Variants in SSMEM1 observed in about 807,000 individuals in gnomAD.
SSMEM1 encodes the protein serine rich single-pass membrane protein 1.
A neutral mutation model predicts 9.9 loss-of-function variants in SSMEM1; 12 were observed. The ratio of observed to expected loss-of-function variants is 1.21; its 90% CI spans 0.78 to 1.96. SSMEM1 has a LOEUF of 1.96. Ranked by LOEUF, SSMEM1 falls within the 30% of genes most tolerant of loss-of-function variation. The pLI, the probability that SSMEM1 is intolerant of heterozygous loss-of-function variation, is 0.00. For synonymous variants in SSMEM1, 96 were observed against 98.9 expected, an observed-to-expected ratio of 0.97 and a Z score of 0.17; for missense variants, 259 against 292.2, an observed-to-expected ratio of 0.89 and a Z score of 0.83.
At position 130,216,448 on chromosome 7, in the gene SSMEM1, A is replaced by T. The variant is rs199661470; in HGVS notation, c.713A>T (p.Asn238Ile). Residue 238 changes from asparagine to isoleucine, a missense_variant, in exon 3 of 3, where the codon AAC becomes ATC. Physicochemically the swap from Asn to Ile is moderately radical, Grantham distance 149. Transcript: ENST00000297819. ...GAGGAAAGTTCCATATCTGACATTA[A>T]CAAGAAATTTAGTAAATTTTGAATT... is the stretch of plus-strand genomic sequence containing the variant. ...SQEESSISDI[N>I]KKFSKF The T allele has an allele frequency of 3.1e-6, 5 of 1,609,152 alleles. No homozygotes were observed. In the East Asian group the frequency reaches 1.1e-4, roughly 36 times the overall value.
At chr7:130,205,519 A>G, upstream of SSMEM1, 2 of 1,328,822 alleles carry the variant, frequency 1.5e-6, no homozygotes, top group Non-Finnish European at 2.1e-6. Flanking sequence ...GAGGGGTCGC[A>G]GGCCCAGGCG....
Position 130,216,197 on chromosome 7 carries a change from G to C in SSMEM1, c.462G>C (p.Glu154Asp), listed in dbSNP as rs920570977. ...ATACTACGGAGTATGGCAGTGAAGA[G>C]TCTAACTCAGAAGCCTCCTCGTGGA... Reference protein sequence around the residue: ...DSDTTEYGSEESNSEASSWKE... With the variant: ...DSDTTEYGSEDSNSEASSWKE... Residue 154 changes from glutamate to aspartate, a missense_variant, in exon 3 of 3, where the codon GAG becomes GAC. Transcript: ENST00000297819. The C allele has an allele frequency of 6.2e-7, 1 of 1,614,184 alleles. No homozygotes were observed. Among genetic ancestry groups the C allele is most frequent in the Non-Finnish European group, 8.5e-7 (1 of 1,180,020 alleles).
At chr7:130,215,745 G>A (rs1210251442) in intron 2 of SSMEM1, among the ~76,000 whole-genome samples, 1 of 152,088 alleles carries the variant, frequency 6.6e-6, no homozygotes, top group Non-Finnish European at 1.5e-5. Flanking sequence ...AACTTCAAAA[G>A]TGATATGGTG....
Position 130,207,865 on chromosome 7 carries a change from T to C in SSMEM1, c.-46T>C. The C allele has an allele frequency of 3.1e-6, 5 of 1,601,066 alleles. No homozygotes were observed. The highest frequency in any genetic ancestry group is 3.4e-6 in the Non-Finnish European group (4 of 1,169,636). On this transcript the variant is annotated 5_prime_UTR_variant, in exon 1 of 3. Transcript: ENST00000297819. ...GAGGGAGTGAAGTAGTTCCCAGTCA[T>C]CTTTATCCCTTTAAGCATGGTTTAT...
chr7:130,207,730 T>G (rs1798514274), upstream of SSMEM1: 1 of 720,872 alleles, frequency 1.4e-6, no homozygotes, highest in African/African-American at 1.7e-5. Flanking sequence ...GAGGAGTAAT[T>G]TGAATAACCT....
intron 1 of SSMEM1, among the ~76,000 whole-genome samples, chr7:130,210,167 C>T (rs1190861498): frequency 1.3e-5 from 2 of 152,200 alleles, no homozygotes; most frequent in Admixed American, 1.3e-4. Flanking sequence ...TAGATCTACT[C>T]AGTCCTGATT....
chr7:130,210,152 C>T (rs752249948), intron 1 of SSMEM1, among the ~76,000 whole-genome samples: 1 of 152,208 alleles, frequency 6.6e-6, no homozygotes, highest in Non-Finnish European at 1.5e-5. Context: ...TTTGAAATGT[C>T]CACTTAGATC....
At chr7:130,209,576 A>AT (rs939469761) in intron 1 of SSMEM1, among the ~76,000 whole-genome samples, 2 of 151,912 alleles carry the variant, frequency 1.3e-5, no homozygotes, top group East Asian at 1.9e-4. Flanking sequence ...GGTCTAAGCT[A>AT]TTTTTTTTAT....
intron 1 of SSMEM1, among the ~76,000 whole-genome samples, chr7:130,209,498 A>G (rs1035615842): frequency 6.6e-6 from 1 of 152,258 alleles, no homozygotes; most frequent in Non-Finnish European, 1.5e-5. Flanking sequence ...AGCTAAGTAT[A>G]TTGAATTTGG....
chr7:130,210,214 T>C (rs1798566649), intron 1 of SSMEM1, among the ~76,000 whole-genome samples: 1 of 152,214 alleles, frequency 6.6e-6, no homozygotes, highest in African/African-American at 2.4e-5. Flanking sequence ...GTTTTTCACT[T>C]TGTACCCTTG....
chr7:130,214,591 A>C (rs1466406625), intron 2 of SSMEM1, among the ~76,000 whole-genome samples: 2 of 152,166 alleles, frequency 1.3e-5, no homozygotes, highest in African/African-American at 4.8e-5. Context: ...CAATTGATGA[A>C]CAAGTATAGT....
upstream of SSMEM1, among the ~76,000 whole-genome samples, chr7:130,205,787 C>T (rs1042176395): frequency 1.3e-5 from 2 of 152,128 alleles, no homozygotes; most frequent in South Asian, 4.1e-4. Flanking sequence ...CCATCAGTGA[C>T]AAAGCATTTC....
At chr7:130,206,039 C>T (rs1478961775), upstream of SSMEM1, among the ~76,000 whole-genome samples, 1 of 152,156 alleles carries the variant, frequency 6.6e-6, no homozygotes, top group Non-Finnish European at 1.5e-5. Flanking sequence ...ATAACAAGCA[C>T]ACCCAAAATT....
upstream of SSMEM1, chr7:130,207,659 A>G (rs1798511883): frequency 1.8e-6 from 1 of 558,264 alleles, no homozygotes; most frequent in Non-Finnish European, 3.3e-6. Context: ...AAGTTTTAGG[A>G]AAAAAAATTA....
At chr7:130,215,333 A>T (rs1305240423) in intron 2 of SSMEM1, among the ~76,000 whole-genome samples, 2 of 152,164 alleles carry the variant, frequency 1.3e-5, no homozygotes, top group Non-Finnish European at 2.9e-5. Context: ...ACAAAAAAAC[A>T]GCATAGAGTT....
intron 2 of SSMEM1, among the ~76,000 whole-genome samples, chr7:130,214,231 C>G (rs1798660735): frequency 6.6e-6 from 1 of 152,078 alleles, no homozygotes; most frequent in Non-Finnish European, 1.5e-5. Flanking sequence ...GCCTGGAGAA[C>G]ATAGCAAAAC....
At chr7:130,206,911 G>T, upstream of SSMEM1, 1 of 213,900 alleles carries the variant, frequency 4.7e-6, no homozygotes, top group Non-Finnish European at 9.9e-6. Flanking sequence ...ACTTGAGCCT[G>T]GGAAGCCGAG....
At chr7:130,213,742 AAATG>A (rs1041590161) in intron 2 of SSMEM1, among the ~76,000 whole-genome samples, 3 of 151,702 alleles carry the variant, frequency 2.0e-5, no homozygotes, top group South Asian at 2.1e-4. Flanking sequence ...AAAAAAAGAA[AAATG>A]AAATAAAGAC....
At chr7:130,206,455 A>G (rs568841397), upstream of SSMEM1, among the ~76,000 whole-genome samples, 24 of 152,362 alleles carry the variant, frequency 1.6e-4, no homozygotes, top group African/African-American at 5.3e-4. Context: ...ACAGTAAGCT[A>G]GTGGATTACA....
Sources: gnomAD v4.1 joint callset for allele counts (sites outside exome capture counted in the v4.1 genomes callset) on GRCh38, gnomAD v4.1.1 for gene constraint, MANE v1.5 for transcripts, NCBI Gene and HGNC (gene_info 2026-07-23, HGNC 2026-07-21) for gene names.